Variants in GPR158 observed in about 807,000 individuals in gnomAD.
The protein encoded by GPR158 is metabotropic glycine receptor.
In GPR158, 30 loss-of-function variants were observed where a neutral mutation model predicts 78.2. The observed-to-expected ratio is 0.38, with a 90% CI of 0.29 to 0.52. The LOEUF is 0.52. GPR158 is among the 20% of genes least tolerant of loss of function. GPR158 has a pLI of 0.83. For synonymous variants in GPR158, 581 were observed against 591.1 expected (o/e 0.98, Z 0.25); for missense variants, 1,463 against 1,523.5 (o/e 0.96, Z 0.66).
At chr10:25,546,146 A>G (rs1430737777) in intron 5 of GPR158, among the ~76,000 whole-genome samples, 3 of 152,174 alleles carry the variant, frequency 2.0e-5, no homozygotes, top group African/African-American at 4.8e-5. Context: ...TTTTAAAAGC[A>G]GTAGGCATTG....
At chr10:25,453,734 A>G (rs1041743157) in intron 4 of GPR158, among the ~76,000 whole-genome samples, 1 of 152,140 alleles carries the variant, frequency 6.6e-6, no homozygotes, top group Non-Finnish European at 1.5e-5. Context: ...AAATCAATTG[A>G]CCATAAACAT....
chr10:25,438,911 T>A (rs556656072), intron 4 of GPR158, among the ~76,000 whole-genome samples: 2 of 152,362 alleles, frequency 1.3e-5, no homozygotes, highest in African/African-American at 2.4e-5. Flanking sequence ...TTTTATGACC[T>A]ATGAAAATTA....
At chr10:25,254,179 C>G (rs961492023) in intron 2 of GPR158, among the ~76,000 whole-genome samples, 1 of 152,164 alleles carries the variant, frequency 6.6e-6, no homozygotes, top group African/African-American at 2.4e-5. Context: ...TTATAAAATA[C>G]TGTCCAAGAA....
intron 1 of GPR158, among the ~76,000 whole-genome samples, chr10:25,178,288 A>G (rs1355715713): frequency 6.6e-6 from 1 of 152,232 alleles, no homozygotes; most frequent in East Asian, 1.9e-4. Context: ...TATCATATGT[A>G]CCACCATTCC....
At position 25,586,390 on chromosome 10, in the gene GPR158, A is replaced by ATTTTTTTTTTTTTTT. The variant is rs1564498202; in HGVS notation, c.1754-2617_1754-2616insTTTTTTTTTTTTTTT. On this transcript the variant is annotated intron_variant, in intron 7 of 10. Coordinates refer to ENST00000376351, the MANE Select transcript of GPR158 (RefSeq NM_020752.3). Reference sequence around the variant, plus strand: ...CCAGGGTTGTAAGTAGGTATGTGTGAATTTTTTTTTTTTTTTTTTTTTTTT... The same window carrying ATTTTTTTTTTTTTTT: ...CCAGGGTTGTAAGTAGGTATGTGTGATTTTTTTTTTTTTTTATTTTTTTTTTTTTTTTTTTTTTTT... Among the ~76,000 whole-genome samples the ATTTTTTTTTTTTTTT allele has an allele frequency of 1.5e-5, 2 of 130,942 alleles. 1 individual carries two copies. The allele number at this position is 130,942 out of a possible 152,430, so 85.9% of individuals were successfully genotyped here.
intron 2 of GPR158, among the ~76,000 whole-genome samples, chr10:25,335,179 CAGAG>C (rs1405049474): frequency 1.3e-5 from 2 of 151,992 alleles, no homozygotes; most frequent in African/African-American, 4.8e-5. Flanking sequence ...TAGTACTTAA[CAGAG>C]AGAGAGCAAA....
chr10:25,529,982 T>C (rs1177162589), intron 5 of GPR158, among the ~76,000 whole-genome samples: 4 of 152,204 alleles, frequency 2.6e-5, no homozygotes, highest in African/African-American at 9.7e-5. Flanking sequence ...CCTACTGGCC[T>C]TTCGTATCTT....
chr10:25,595,459 TAGC>T (rs1837387385), intron 9 of GPR158, among the ~76,000 whole-genome samples: 1 of 152,228 alleles, frequency 6.6e-6, no homozygotes, highest in Non-Finnish European at 1.5e-5. Flanking sequence ...AGGATGTTCA[TAGC>T]AGTGTTATTC....
chr10:25,245,881 A>G (rs1588755254), intron 2 of GPR158, among the ~76,000 whole-genome samples: 3 of 152,204 alleles, frequency 2.0e-5, no homozygotes, highest in Admixed American at 1.3e-4. Flanking sequence ...ATCTTTTATA[A>G]TAGTTATTTT....
At chr10:25,577,652 G>A (rs1837121261) in intron 7 of GPR158, among the ~76,000 whole-genome samples, 1 of 152,124 alleles carries the variant, frequency 6.6e-6, no homozygotes, top group African/African-American at 2.4e-5. Context: ...AAACTGCTCA[G>A]ATAGATGATT....
intron 2 of GPR158, among the ~76,000 whole-genome samples, chr10:25,341,763 T>C (rs575198814): frequency 1.2e-4 from 19 of 152,016 alleles, no homozygotes; most frequent in African/African-American, 4.6e-4. Flanking sequence ...CTGATGTCAC[T>C]CTTAAAAGGT....
At chr10:25,489,880 G>T (rs927278006) in intron 5 of GPR158, among the ~76,000 whole-genome samples, 1 of 152,060 alleles carries the variant, frequency 6.6e-6, no homozygotes, top group Non-Finnish European at 1.5e-5. Context: ...ATATAAATGT[G>T]AAAATTAAAA....
chr10:25,185,795 C>T (rs574151697), intron 1 of GPR158, among the ~76,000 whole-genome samples: 62 of 152,072 alleles, frequency 4.1e-4, no homozygotes, highest in African/African-American at 1.5e-3. Context: ...TGCACTTCAG[C>T]CTGGGCGACA....
rs145362274 is a variant in GPR158 at position 25,340,255 on chromosome 10, C to A, written c.1009-55656C>A. Among the ~76,000 whole-genome samples, 522 of 152,058 alleles carry A rather than the reference C, an allele frequency of 3.4e-3. 1 individual carries two copies. Among genetic ancestry groups the A allele is most frequent in the South Asian group, 8.3e-3 (40 of 4,824 alleles). On this transcript the variant is annotated intron_variant, in intron 2 of 10. Transcript: ENST00000376351. ...TTTGTTTGTTTTATTTTATACAGAT[C>A]TTTGAGTTAGTTTCAGCAAGAGGGT...
chr10:25,447,845 GCAGT>G (rs1191254691), intron 4 of GPR158, among the ~76,000 whole-genome samples: 1 of 101,020 alleles, frequency 9.9e-6, no homozygotes, highest in Non-Finnish European at 2.0e-5. Context: ...AGTGTACAAT[GCAGT>G]CAGTTTAATA....
intron 1 of GPR158, among the ~76,000 whole-genome samples, chr10:25,214,797 G>A (rs1853183830): frequency 6.6e-6 from 1 of 151,938 alleles, no homozygotes; most frequent in Non-Finnish European, 1.5e-5. Context: ...GACACAAGGA[G>A]AAGATGGCCA....
chr10:25,421,927 G>A (rs1834756966), intron 4 of GPR158, among the ~76,000 whole-genome samples: 1 of 152,090 alleles, frequency 6.6e-6, no homozygotes, highest in African/African-American at 2.4e-5. Flanking sequence ...AAATTGTGGG[G>A]ACTTTCTATA....
At position 25,331,020 on chromosome 10, in the gene GPR158, G is replaced by C. The variant is rs562247994; in HGVS notation, c.1009-64891G>C. On this transcript the variant is annotated intron_variant, in intron 2 of 10. Transcript: ENST00000376351. ...AGCAGTGCCATCAGAGCTTATGGCA[G>C]CCTACTCCTGGGCTCAAGCAATGCT... 6.6e-5 allele frequency among the ~76,000 whole-genome samples: 10 copies of C among 152,296 alleles called. No homozygotes were observed. The South Asian group carries it at 2.1e-3, about 32-fold the overall frequency.
At chr10:25,576,889 TCA>T (rs1490476788) in intron 7 of GPR158, among the ~76,000 whole-genome samples, 6 of 150,524 alleles carry the variant, frequency 4.0e-5, no homozygotes, top group African/African-American at 4.9e-5. Context: ...TTTTGTCATC[TCA>T]CAGTCATTGC....
Sources: allele counts gnomAD v4.1 joint callset (sites outside exome capture counted in the v4.1 genomes callset), GRCh38; gene constraint gnomAD v4.1.1; transcripts MANE v1.5; gene names NCBI Gene and HGNC (gene_info 2026-07-23, HGNC 2026-07-21).